AKAP12: variants seen among roughly 807,000 people sequenced by gnomAD.
AKAP12 encodes A-kinase anchoring protein 12.
AKAP12 carries 32 observed loss-of-function variants against 79.9 expected under a neutral mutation model. The observed-to-expected ratio is 0.40, with a 90% CI of 0.30 to 0.54. The LOEUF (loss-of-function observed/expected upper bound fraction) is 0.54, where lower values mean the gene tolerates loss of function less well. Ranked by LOEUF, AKAP12 falls within the 20% of genes least tolerant of loss-of-function variation. The probability of loss-of-function intolerance (pLI) is 0.48; values close to 1 mark genes in which losing one functional copy is unlikely to be tolerated. For missense variants in AKAP12, 2,074 were observed against 2,177.0 expected (o/e 0.95, Z 0.94); for synonymous variants, 808 against 857.0 (o/e 0.94, Z 1.00).
chr6:151,349,252 C>T lies in AKAP12; in HGVS notation c.861C>T (p.Pro287=), dbSNP rs914772976. Residue 287 remains proline (P), a synonymous_variant, in exon 4 of 5, where the codon CCC becomes CCT. Coordinates refer to ENST00000402676, the MANE Select transcript of AKAP12 (RefSeq NM_005100.4). ...PSKSAESPTS[P]VTSETGSTFK... is the part of the protein sequence containing the mutation. ...AGTCTGCAGAATCTCCGACTAGTCC[C>T]GTGACCAGTGAAACAGGATCAACCT... 10 of 1,613,566 alleles carry T rather than the reference C, an allele frequency of 6.2e-6. No homozygotes were observed. Among genetic ancestry groups the T allele is most frequent in the South Asian group, 2.2e-5 (2 of 91,064 alleles).
At chr6:151,277,598 G>A (rs1364320619) in intron 2 of AKAP12, among the ~76,000 whole-genome samples, 2 of 152,080 alleles carry the variant, frequency 1.3e-5, no homozygotes, top group East Asian at 1.9e-4. Flanking sequence ...TAACTATTAG[G>A]GCTTACAAAA....
intron 2 of AKAP12, among the ~76,000 whole-genome samples, chr6:151,253,209 G>A (rs529815005): frequency 6.6e-6 from 1 of 152,080 alleles, no homozygotes; most frequent in South Asian, 2.1e-4. Context: ...ATTTTGTTGT[G>A]ATACGTAAGA....
chr6:151,344,958 A>C (rs901992021), intron 3 of AKAP12, among the ~76,000 whole-genome samples: 2 of 152,218 alleles, frequency 1.3e-5, no homozygotes, highest in Non-Finnish European at 2.9e-5. Flanking sequence ...TTTTCAGAGT[A>C]ATAAGATTAT....
chr6:151,276,193 T>C (rs1254603303), intron 2 of AKAP12, among the ~76,000 whole-genome samples: 1 of 151,972 alleles, frequency 6.6e-6, no homozygotes, highest in Non-Finnish European at 1.5e-5. Flanking sequence ...AAATAAAAAA[T>C]CTTTCCATGT....
intron 2 of AKAP12, among the ~76,000 whole-genome samples, chr6:151,268,792 T>C (rs1776108747): frequency 6.6e-6 from 1 of 151,970 alleles, no homozygotes; most frequent in Admixed American, 6.6e-5. Context: ...TACAGGCATG[T>C]GCCACCATGC....
intron 2 of AKAP12, among the ~76,000 whole-genome samples, chr6:151,263,112 T>C (rs1475096345): frequency 1.3e-5 from 2 of 152,188 alleles, no homozygotes; most frequent in Admixed American, 1.3e-4. Context: ...CCTAGCTTAC[T>C]GCAGCCTCAA....
intron 3 of AKAP12, among the ~76,000 whole-genome samples, chr6:151,333,518 A>T (rs2786746): frequency 0.063 from 9,522 of 152,234 alleles, 404 homozygotes; most frequent in East Asian, 0.14. Context: ...TGGGAGGCCG[A>T]CATGAGCGGA....
At chr6:151,348,678 T>TGTGGGGGGGGGGGGG in intron 3 of AKAP12, 33 bp from the exon 4 acceptor site, 4 of 374,898 alleles carry the variant, frequency 1.1e-5, no homozygotes, top group African/African-American at 2.2e-5. Context: ...CCTTTTCTCT[T>TGTGGGGGGGGGGGGG]CTCCCCACCC....
chr6:151,307,289 C>A (rs1187129931), intron 3 of AKAP12, among the ~76,000 whole-genome samples: 1 of 152,170 alleles, frequency 6.6e-6, no homozygotes, highest in African/African-American at 2.4e-5. Context: ...GATGCAAATC[C>A]AGATCAGCAG....
intron 3 of AKAP12, chr6:151,348,449 G>C (rs1405264057): frequency 1.8e-6 from 1 of 561,920 alleles, no homozygotes. Context: ...GAGCAGCCTG[G>C]ACAACATAGT....
At chr6:151,312,618 C>T (rs751194266) in intron 3 of AKAP12, among the ~76,000 whole-genome samples, 81 of 152,028 alleles carry the variant, frequency 5.3e-4, no homozygotes, top group Non-Finnish European at 9.4e-4. Context: ...GGTGAAACTC[C>T]GTCTCTACTA....
At chr6:151,342,342 T>C (rs912533438) in intron 3 of AKAP12, among the ~76,000 whole-genome samples, 1 of 152,198 alleles carries the variant, frequency 6.6e-6, no homozygotes, top group African/African-American at 2.4e-5. Flanking sequence ...CGCATGTGTT[T>C]TGGGGTCAGG....
intron 2 of AKAP12, among the ~76,000 whole-genome samples, chr6:151,244,356 C>T (rs1295654352): frequency 6.6e-6 from 1 of 152,130 alleles, no homozygotes; most frequent in Non-Finnish European, 1.5e-5. Flanking sequence ...AACCCCATCT[C>T]TACTAAAAAT....
chr6:151,331,119 G>A (rs989813089), intron 3 of AKAP12, among the ~76,000 whole-genome samples: 3 of 152,108 alleles, frequency 2.0e-5, no homozygotes, highest in Non-Finnish European at 2.9e-5. Context: ...AGTAATTCTT[G>A]GCCCAAGTGA....
chr6:151,318,001 C>T (rs1160686382), intron 3 of AKAP12, among the ~76,000 whole-genome samples: 1 of 152,242 alleles, frequency 6.6e-6, no homozygotes, highest in African/African-American at 2.4e-5. Flanking sequence ...CCTGTGACCT[C>T]ACCGTGTAAG....
At chr6:151,248,728 G>A (rs534537648) in intron 2 of AKAP12, among the ~76,000 whole-genome samples, 24 of 152,258 alleles carry the variant, frequency 1.6e-4, no homozygotes, top group Non-Finnish European at 2.2e-4. Flanking sequence ...GGTGGCTCAC[G>A]CCTGTAATCC....
rs12660368 is a variant in AKAP12 at position 151,241,285 on chromosome 6, C to A, written c.162+561C>A. Among the ~76,000 whole-genome samples, 1,139 of 152,368 alleles carry A rather than the reference C, an allele frequency of 7.5e-3. 17 individuals carry two copies. Among genetic ancestry groups the A allele is most frequent in the East Asian group, 0.044 (229 of 5,180 alleles). ...CCTGCGGCAGCGGCCCGAGCAGGCA[C>A]CGCCTTCCCGAGGCAGAGAAAGCCT... On this transcript the variant is annotated intron_variant, in intron 2 of 4. Transcript: ENST00000402676.
intron 2 of AKAP12, among the ~76,000 whole-genome samples, chr6:151,305,278 G>T (rs545063789): frequency 6.6e-6 from 1 of 151,532 alleles, no homozygotes; most frequent in Non-Finnish European, 1.5e-5. Context: ...CTGCAGTTTA[G>T]TAATTATTTG....
intron 2 of AKAP12, among the ~76,000 whole-genome samples, chr6:151,270,015 G>A (rs1408228150): frequency 6.6e-6 from 1 of 152,126 alleles, no homozygotes; most frequent in East Asian, 1.9e-4. Flanking sequence ...TATGGTGTTT[G>A]CAAGATTCAT....
Sources: gnomAD v4.1 joint callset for allele counts (sites outside exome capture counted in the v4.1 genomes callset) on GRCh38, gnomAD v4.1.1 for gene constraint, MANE v1.5 for transcripts, NCBI Gene and HGNC (gene_info 2026-07-23, HGNC 2026-07-21) for gene names.